RPL7A: variants seen among roughly 807,000 people sequenced by gnomAD.
RPL7A encodes the protein ribosomal protein L7a.
For missense variants in RPL7A, 291 were observed against 338.2 expected, an observed-to-expected ratio of 0.86 and a Z score of 1.09; for synonymous variants, 158 against 128.2, an observed-to-expected ratio of 1.23 and a Z score of -1.57.
Position 133,350,741 on chromosome 9 carries a change from C to A in RPL7A, c.626+14C>A. The A allele has an allele frequency of 6.2e-7, 1 of 1,610,998 alleles. No individual in the cohort carries two copies. The highest frequency in any genetic ancestry group is 2.2e-5 in the East Asian group (1 of 44,782). ...ACAGGTGAACTCGTAAGTACACAGC[C>A]TGGCCCCAAACTTCCCCCCAGTTCA... is the stretch of plus-strand genomic sequence containing the variant. On this transcript the variant is annotated intron_variant, in intron 6 of 7. Coordinates refer to ENST00000323345, the MANE Select transcript of RPL7A (RefSeq NM_000972.3).
At chr9:133,348,856 C>A in intron 1 of RPL7A, 66 bp from the exon 2 acceptor site, 1 of 1,612,246 alleles carries the variant, frequency 6.2e-7, no homozygotes, top group Non-Finnish European at 8.5e-7. Context: ...GAGGAGCCAG[C>A]CTGAGCCCTA....
chr9:133,348,643 T>G (rs1442050303), intron 1 of RPL7A: 2 of 661,032 alleles, frequency 3.0e-6, no homozygotes, highest in African/African-American at 1.8e-5. Flanking sequence ...AGAGGAGTCA[T>G]GAGTCCGGGG....
chr9:133,350,534 C>T (rs2129994477), intron 5 of RPL7A, 63 bp from the exon 6 acceptor site: 3 of 1,612,576 alleles, frequency 1.9e-6, no homozygotes, highest in African/African-American at 2.7e-5. Context: ...GCAATTGTTA[C>T]AAGCTAACTG....
intron 1 of RPL7A, chr9:133,348,611 A>G (rs1391188016): frequency 1.6e-6 from 1 of 616,854 alleles, no homozygotes; most frequent in Non-Finnish European, 2.9e-6. Context: ...TGTTGCTTCT[A>G]GAGCCTGTGG....
chr9:133,348,691 CG>C (rs1836286957), intron 1 of RPL7A: 1 of 723,838 alleles, frequency 1.4e-6, no homozygotes, highest in African/African-American at 1.7e-5. Flanking sequence ...AGCGTGGTCT[CG>C]GGCTTAGCCT....
intron 1 of RPL7A, 146 bp downstream of exon 1, chr9:133,348,392 G>C (rs2129978379): frequency 8.7e-7 from 1 of 1,147,640 alleles, no homozygotes. Context: ...CACCGAGGTG[G>C]ATTAGAGCCC....
chr9:133,351,373 A>G lies in RPL7A; in HGVS notation c.*7A>G, dbSNP rs2129999819. On this transcript the variant is annotated 3_prime_UTR_variant, in exon 8 of 8. Coordinates refer to ENST00000323345, the MANE Select transcript of RPL7A (RefSeq NM_000972.3). The stretch of plus-strand genomic sequence containing the variant: ...TGCCACTAAACTGGGTTAAATGTAC[A>G]CTGTTGAGTTTTCTGTACATAAAAA... 127 of 1,565,976 alleles carry G rather than the reference A, an allele frequency of 8.1e-5. No individual in the cohort carries two copies. The highest frequency in any genetic ancestry group is 1.1e-4 in the Non-Finnish European group (122 of 1,139,814).
intron 2 of RPL7A, 112 bp from the exon 3 acceptor site, chr9:133,349,439 T>C (rs1836318223): frequency 2.3e-6 from 3 of 1,280,430 alleles, no homozygotes; most frequent in African/African-American, 1.5e-5. Context: ...GAGATGGTGA[T>C]GACATTTTAA....
rs2129991082 is a variant in RPL7A at position 133,350,074 on chromosome 9, G to A, written c.415+22G>A. 8.1e-3 allele frequency: 13,054 copies of A among 1,613,968 alleles called. 62 individuals carry two copies. Among genetic ancestry groups the A allele is most frequent in the Non-Finnish European group, 8.7e-3 (10,217 of 1,180,042 alleles). ...GCAGGTGAGTAGGCCCCACCTTAGG[G>A]TGAACACTGGGGGCGGGCTGTTGCA... On this transcript the variant is annotated intron_variant, in intron 4 of 7. Transcript: ENST00000323345.
chr9:133,350,132 T>C, intron 4 of RPL7A, 80 bp downstream of exon 4: 1 of 1,613,280 alleles, frequency 6.2e-7, no homozygotes, highest in South Asian at 1.1e-5. Flanking sequence ...GAAATTACTG[T>C]GAAGAGTAAA....
chr9:133,349,393 G>A (rs2129985543), intron 2 of RPL7A, 158 bp from the exon 3 acceptor site: 1 of 983,774 alleles, frequency 1.0e-6, no homozygotes, highest in Non-Finnish European at 1.6e-6. Context: ...TCAGGTGTTT[G>A]TGTGCAGATG....
At chr9:133,349,725 A>G in intron 3 of RPL7A, 25 bp downstream of exon 3, 1 of 1,611,606 alleles carries the variant, frequency 6.2e-7, no homozygotes, top group Non-Finnish European at 8.5e-7. Context: ...CGTGGAAAGG[A>G]GTTTCTCAGG....
chr9:133,349,420 G>A, intron 2 of RPL7A, 131 bp from the exon 3 acceptor site: 1 of 1,103,912 alleles, frequency 9.1e-7, no homozygotes, highest in Non-Finnish European at 1.4e-6. Flanking sequence ...AAGAATATTT[G>A]CTATCTGAGA....
At chr9:133,351,219 G>C in intron 7 of RPL7A, 43 bp from the exon 8 acceptor site, 2 of 1,593,924 alleles carry the variant, frequency 1.3e-6, no homozygotes, top group Non-Finnish European at 1.7e-6. Context: ...GAAAATCTCA[G>C]AAAACAGTAA....
intron 2 of RPL7A, 73 bp from the exon 3 acceptor site, chr9:133,349,478 C>T: frequency 6.3e-7 from 1 of 1,586,102 alleles, no homozygotes; most frequent in Non-Finnish European, 8.7e-7. Flanking sequence ...GCACCAACAC[C>T]CTTCCTAGTG....
chr9:133,350,197 G>C, intron 4 of RPL7A, 43 bp from the exon 5 acceptor site: 1 of 1,612,180 alleles, frequency 6.2e-7, no homozygotes, highest in Non-Finnish European at 8.5e-7. Flanking sequence ...CTTGTGACTA[G>C]AGCAGGCCCT....
At chr9:133,349,070 G>T (rs2129983221) in intron 2 of RPL7A, 28 bp downstream of exon 2, 111 of 1,610,516 alleles carry the variant, frequency 6.9e-5, no homozygotes, top group Non-Finnish European at 7.7e-5. Flanking sequence ...GAATGAAAAC[G>T]GTCTATGTTT....
chr9:133,348,902 G>A lies in RPL7A; in HGVS notation c.4-20G>A, dbSNP rs1463078931. ...AGCGAGTGGAGGCGGCGGTTTAACT[G>A]ACGTTTTCTTTCTGCCCAGCCGAAA... On this transcript the variant is annotated intron_variant, in intron 1 of 7. Transcript: ENST00000323345. 3.7e-6 allele frequency: 6 copies of A among 1,613,368 alleles called. No homozygotes were observed. In the African/African-American group the frequency reaches 8.0e-5, roughly 22 times the overall value.
rs2129989982 is a variant in RPL7A at position 133,349,950 on chromosome 9, G to C, written c.313G>C (p.Glu105Gln). The change falls in exon 4 of 8, where the codon GAG becomes CAG. Residue 105 changes from glutamate to glutamine, a missense_variant. Glu to Gln is a conservative substitution (Grantham distance 29, BLOSUM62 2). Transcript: ENST00000323345. Reference protein sequence around the residue: ...LLKLAHKYRPETKQEKKQRLL... With the variant: ...LLKLAHKYRPQTKQEKKQRLL... ...TAAGCTGGCCCACAAGTACAGACCAGAGACAAAGCAAGAGAAGAAGCAGAG... is the reference window on the plus strand; with the variant it reads ...TAAGCTGGCCCACAAGTACAGACCACAGACAAAGCAAGAGAAGAAGCAGAG... 1.2e-5 allele frequency: 20 copies of C among 1,611,754 alleles called. No homozygotes were observed. The highest frequency in any genetic ancestry group is 1.6e-5 in the Non-Finnish European group (19 of 1,180,028).
Sources: allele counts gnomAD v4.1 joint callset, GRCh38; gene constraint gnomAD v4.1.1; transcripts MANE v1.5; gene names NCBI Gene and HGNC (gene_info 2026-07-23, HGNC 2026-07-21).